Variants in ANKFN1 observed in about 807,000 individuals in gnomAD.
ANKFN1 encodes the protein ankyrin repeat and fibronectin type III domain containing 1.
In ANKFN1, 74 loss-of-function variants were observed where a neutral mutation model predicts 108.7. The observed-to-expected ratio is 0.68, with a 90% CI of 0.56 to 0.83. ANKFN1 has a LOEUF of 0.83. ANKFN1 is among the 40% of genes least tolerant of loss of function. The pLI is 0.00. For synonymous variants in ANKFN1, 547 were observed against 516.2 expected, an observed-to-expected ratio of 1.06 and a Z score of -0.81; for missense variants, 1,505 against 1,382.3, an observed-to-expected ratio of 1.09 and a Z score of -1.41.
intron 3 of ANKFN1, among the ~76,000 whole-genome samples, chr17:56,284,099 G>A (rs958983440): frequency 6.6e-6 from 1 of 152,160 alleles, no homozygotes. Context: ...ATTTCATAGA[G>A]ATTTGGAAAA....
chr17:56,355,817 A>G (rs754235492), intron 6 of ANKFN1, among the ~76,000 whole-genome samples: 37 of 152,076 alleles, frequency 2.4e-4, no homozygotes, highest in Non-Finnish European at 4.6e-4. Context: ...CATAAAATTT[A>G]CCCTTTTGAA....
At position 56,412,070 on chromosome 17, in the gene ANKFN1, T is replaced by C. The variant is rs546344708; in HGVS notation, c.911-28257T>C. Reference sequence around the variant, plus strand: ...AGTTTAAGAAGTATTGGCTGTTTTTTAAATGACTGGCAGAATTCAGCAATG... The same window carrying C: ...AGTTTAAGAAGTATTGGCTGTTTTTCAAATGACTGGCAGAATTCAGCAATG... On this transcript the variant is annotated intron_variant, in intron 8 of 20. Coordinates refer to ENST00000682825, the MANE Select transcript of ANKFN1 (RefSeq NM_001370326.1). 1.4e-3 allele frequency among the ~76,000 whole-genome samples: 218 copies of C among 152,332 alleles called. 1 individual carries two copies. The highest frequency in any genetic ancestry group is 2.8e-4 in the Non-Finnish European group (19 of 68,028).
At chr17:56,145,350 C>T (rs55723612) in intron 4 of ANKFN1, among the ~76,000 whole-genome samples, 46,476 of 151,776 alleles carry the variant, frequency 0.31, 8,732 homozygotes, top group East Asian at 0.53. Context: ...TCTCATGCTG[C>T]CATAAAGAAC....
In ANKFN1 at chr17:56,337,720, T is replaced by C. The variant is rs561536222; in HGVS notation, c.188+11365T>C. On this transcript the variant is annotated intron_variant, in intron 4 of 20. Transcript: ENST00000682825. ...ATGAAAAAATGCTCATCATCACTGG[T>C]CATCAGAGAAATGCAAATTCAAACC... Among the ~76,000 whole-genome samples, 14 of 152,276 alleles carry C rather than the reference T, an allele frequency of 9.2e-5. No homozygotes were observed. The East Asian group carries it at 2.7e-3, about 29-fold the overall frequency.
intron 1 of ANKFN1, among the ~76,000 whole-genome samples, chr17:56,185,553 G>A (rs551598680): frequency 6.6e-6 from 1 of 152,130 alleles, no homozygotes; most frequent in South Asian, 2.1e-4. Context: ...GGGACTTAAT[G>A]TGCCCTCCAG....
chr17:56,418,594 C>A (rs2048307888), intron 8 of ANKFN1, among the ~76,000 whole-genome samples: 1 of 151,892 alleles, frequency 6.6e-6, no homozygotes, highest in Non-Finnish European at 1.5e-5. Flanking sequence ...TAAAAGAAAA[C>A]CCCAGGATTC....
chr17:56,399,268 A>G (rs1250113916), intron 8 of ANKFN1, among the ~76,000 whole-genome samples: 2 of 152,086 alleles, frequency 1.3e-5, no homozygotes, highest in Non-Finnish European at 2.9e-5. Flanking sequence ...AGAATAAAAC[A>G]TGGGAGAAAT....
chr17:56,186,105 C>A (rs1227758029), intron 1 of ANKFN1, among the ~76,000 whole-genome samples: 2 of 151,956 alleles, frequency 1.3e-5, no homozygotes, highest in African/African-American at 2.4e-5. Flanking sequence ...TTTTACAAGT[C>A]TTATTTGTTT....
At chr17:56,077,978 T>C (rs1342317523) in intron 4 of ANKFN1, among the ~76,000 whole-genome samples, 4 of 152,258 alleles carry the variant, frequency 2.6e-5, no homozygotes, top group Non-Finnish European at 5.9e-5. Flanking sequence ...TTTTAGATTG[T>C]ATTCTAGTCA....
At chr17:56,075,567 G>A (rs1905172066) in intron 4 of ANKFN1, among the ~76,000 whole-genome samples, 1 of 151,890 alleles carries the variant, frequency 6.6e-6, no homozygotes, top group Non-Finnish European at 1.5e-5. Flanking sequence ...TGAGATGAGG[G>A]GCCCCTTTGC....
rs1167738041 is a variant in ANKFN1 at position 56,224,082 on chromosome 17, G to A, written c.13-3835G>A. Among the ~76,000 whole-genome samples the A allele has an allele frequency of 4.6e-5, 7 of 152,334 alleles. No homozygotes were observed. The East Asian group carries it at 1.4e-3, about 29-fold the overall frequency. ...CTTCTGCCCCCAGAGTGGGGGTCAT[G>A]GGCAGAGCCCCTACAACTCTTGACA... On this transcript the variant is annotated intron_variant, in intron 2 of 20. Transcript: ENST00000682825.
intron 17 of ANKFN1, among the ~76,000 whole-genome samples, chr17:56,481,540 T>G (rs534070629): frequency 2.5e-4 from 38 of 151,794 alleles, no homozygotes; most frequent in African/African-American, 8.2e-4. Flanking sequence ...TGAACCAAGT[T>G]TAGCCTGTAA....
rs900882807 is a variant in ANKFN1 at position 56,511,586 on chromosome 17, C to G, written c.*317C>G. Reference sequence around the variant, plus strand: ...TGAAGCTGGCCATCCCAAAGAGAGACCCTCTGTTCTGCAGCTGGTTCTGTA... The same window carrying G: ...TGAAGCTGGCCATCCCAAAGAGAGAGCCTCTGTTCTGCAGCTGGTTCTGTA... On this transcript the variant is annotated 3_prime_UTR_variant, in exon 21 of 21. Coordinates refer to ENST00000682825, the MANE Select transcript of ANKFN1 (RefSeq NM_001370326.1). 1 of 273,092 alleles carries G rather than the reference C, an allele frequency of 3.7e-6. No individual in the cohort carries two copies. The highest frequency in any genetic ancestry group is 2.2e-5 in the African/African-American group (1 of 45,354). The allele number at this position is 273,092 out of a possible 1,614,324, so 16.9% of individuals were successfully genotyped here.
At position 56,457,939 on chromosome 17, in the gene ANKFN1, A is replaced by G; in HGVS notation, c.1517A>G (p.Gln506Arg). 6.2e-7 allele frequency: 1 copy of G among 1,614,146 alleles called. No homozygotes were observed. Among genetic ancestry groups the G allele is most frequent in the Non-Finnish European group, 8.5e-7 (1 of 1,179,998 alleles). ...TCCTCATCCTCATCCACAGTGCTGC[A>G]AACTCGGCAGAAGATGCTCGCAGCA... ...PISSSSSTVL[Q>R]TRQKMLAATA... The change falls in exon 14 of 21, where the codon CAA (glutamine) becomes CGA (arginine). Residue 506 changes from glutamine to arginine, a missense_variant. Physicochemically the swap from Gln to Arg is conservative, Grantham distance 43. Coordinates refer to ENST00000682825, the MANE Select transcript of ANKFN1 (RefSeq NM_001370326.1).
At chr17:56,209,663 G>T (rs747727318) in intron 1 of ANKFN1, among the ~76,000 whole-genome samples, 1 of 152,010 alleles carries the variant, frequency 6.6e-6, no homozygotes, top group Non-Finnish European at 1.5e-5. Context: ...GTTTTTAGGA[G>T]AGTGACTTTT....
intron 4 of ANKFN1, among the ~76,000 whole-genome samples, chr17:56,104,004 T>C (rs999793349): frequency 1.3e-5 from 2 of 152,204 alleles, no homozygotes; most frequent in Non-Finnish European, 2.9e-5. Context: ...TTATAAATAT[T>C]CTCTGATGTG....
At position 56,285,405 on chromosome 17, in the gene ANKFN1, G is replaced by T. The variant is rs146787190; in HGVS notation, c.54-40816G>T. Reference sequence around the variant, plus strand: ...CTTCCTTCTACTCCTTTTCTTATTTGCCTGCCTGCTCTCCATACATAATAA... The same window carrying T: ...CTTCCTTCTACTCCTTTTCTTATTTTCCTGCCTGCTCTCCATACATAATAA... On this transcript the variant is annotated intron_variant, in intron 3 of 20. Coordinates refer to ENST00000682825, the MANE Select transcript of ANKFN1 (RefSeq NM_001370326.1). 1.5e-3 allele frequency among the ~76,000 whole-genome samples: 233 copies of T among 152,138 alleles called. 1 individual carries two copies. Among genetic ancestry groups the T allele is most frequent in the African/African-American group, 5.4e-3 (222 of 41,488 alleles).
intron 6 of ANKFN1, among the ~76,000 whole-genome samples, chr17:56,369,854 G>A (rs947801057): frequency 1.3e-5 from 2 of 152,154 alleles, no homozygotes; most frequent in African/African-American, 4.8e-5. Flanking sequence ...TTTAACAACA[G>A]ATGCAAATGA....
chr17:56,316,307 C>G (rs187468854), intron 3 of ANKFN1, among the ~76,000 whole-genome samples: 23 of 152,218 alleles, frequency 1.5e-4, no homozygotes, highest in Admixed American at 9.8e-4. Flanking sequence ...GAATTCTCTC[C>G]TTAATACTAA....
Sources: gnomAD v4.1 joint callset for allele counts (sites outside exome capture counted in the v4.1 genomes callset) on GRCh38, gnomAD v4.1.1 for gene constraint, MANE v1.5 for transcripts, NCBI Gene and HGNC (gene_info 2026-07-23, HGNC 2026-07-21) for gene names.